The following PCLAF variants were observed in gnomAD, a reference collection of about 807,000 sequenced individuals.
PCLAF encodes the protein PCNA clamp associated factor.
PCLAF carries 12 observed loss-of-function variants against 15.1 expected under a neutral mutation model. The observed-to-expected ratio is 0.79, with a 90% CI of 0.51 to 1.29. PCLAF has a LOEUF of 1.29. Among genes scored for constraint, PCLAF ranks in the 50% most tolerant of loss-of-function variants. PCLAF has a pLI of 0.00. For synonymous variants in PCLAF, 33 were observed against 47.1 expected (o/e 0.70, Z 1.22); for missense variants, 116 against 130.9 (o/e 0.89, Z 0.56).
chr15:64,366,075 T>G lies in PCLAF; in HGVS notation c.291A>C (p.Lys97Asn). The G allele has an allele frequency of 5.6e-6, 9 of 1,609,136 alleles. No individual in the cohort carries two copies. The highest frequency in any genetic ancestry group is 7.6e-6 in the Non-Finnish European group (9 of 1,177,996). The change falls in exon 4 of 4, where the codon AAA becomes AAC. Residue 97 changes from lysine to asparagine, a missense_variant and splice_region_variant. Transcript: ENST00000300035. ...TGTGATCAGGTTGCAAAGGACATGC[T>G]CTGTGAAAAGAAGAGAGAACATCAA... Reference protein sequence around the residue: ...GSSGLGKAKRKACPLQPDHTN... With the variant: ...GSSGLGKAKRNACPLQPDHTN...
Position 64,365,952 on chromosome 15 carries a change from A to G in PCLAF, c.*78T>C. ...CCTGTTCAACAAAGCTAATTGGAAC[A>G]AACACATTTATGTAAATTTACATTC... On this transcript the variant is annotated 3_prime_UTR_variant, in exon 4 of 4. Coordinates refer to ENST00000300035, the MANE Select transcript of PCLAF (RefSeq NM_014736.6). 1.6e-6 allele frequency: 2 copies of G among 1,244,166 alleles called. No individual in the cohort carries two copies. Among genetic ancestry groups the G allele is most frequent in the Non-Finnish European group, 2.3e-6 (2 of 854,754 alleles). 77.1% of individuals were successfully genotyped at this position (1,244,166 alleles called of 1,614,324 possible). A position where few individuals can be genotyped will look rare whatever the true frequency, so the allele number is the denominator to read the frequency against.
rs181081244 is a variant in PCLAF, at chr15:64,379,333, C to T, written c.127+1625G>A. On this transcript the variant is annotated intron_variant, in intron 2 of 3. Transcript: ENST00000300035. Reference sequence around the variant, plus strand: ...CTCTACAAAAAACACAAAAATTAGGCGGGCGTGTGGTGGCATGCGCCTACA... The same window carrying T: ...CTCTACAAAAAACACAAAAATTAGGTGGGCGTGTGGTGGCATGCGCCTACA... Among the ~76,000 whole-genome samples, 8 of 152,026 alleles carry T rather than the reference C, an allele frequency of 5.3e-5. No individual in the cohort carries two copies. The East Asian group carries it at 1.4e-3, about 26-fold the overall frequency.
intron 3 of PCLAF, among the ~76,000 whole-genome samples, chr15:64,374,827 C>T (rs1489938969): frequency 7.9e-6 from 1 of 127,214 alleles, no homozygotes; most frequent in East Asian, 2.3e-4. Context: ...GCCTGGGTGA[C>T]AGAGTGAGAC....
exon 1 of PCLAF, chr15:64,387,581 T>A: frequency 7.3e-7 from 1 of 1,371,208 alleles, no homozygotes; most frequent in South Asian, 1.4e-5. Flanking sequence ...TTGCACTGTC[T>A]TCTTAGCAGA....
chr15:64,367,709 A>C (rs1308715389), intron 3 of PCLAF, among the ~76,000 whole-genome samples: 2 of 151,278 alleles, frequency 1.3e-5, no homozygotes, highest in African/African-American at 2.4e-5. Context: ...CACCATGCCC[A>C]CCTAATTTTT....
At chr15:64,380,368 G>A (rs998234044) in intron 2 of PCLAF, among the ~76,000 whole-genome samples, 1 of 151,964 alleles carries the variant, frequency 6.6e-6, no homozygotes, top group African/African-American at 2.4e-5. Context: ...GGGCAACAGT[G>A]CAAGACTCTG....
intron 2 of PCLAF, 125 bp downstream of exon 2, chr15:64,380,833 C>G: frequency 3.9e-6 from 3 of 770,800 alleles, no homozygotes; most frequent in East Asian, 2.7e-5. Flanking sequence ...CCCAGCCTCT[C>G]TTATTATATC....
At chr15:64,366,983 T>C (rs1566963646) in intron 3 of PCLAF, among the ~76,000 whole-genome samples, 3 of 150,030 alleles carry the variant, frequency 2.0e-5, no homozygotes, top group African/African-American at 7.4e-5. Flanking sequence ...AAAAAAAAAT[T>C]AGTTGGTCGT....
intron 2 of PCLAF, 108 bp downstream of exon 2, chr15:64,380,850 C>A: frequency 2.2e-6 from 2 of 904,042 alleles, no homozygotes. Flanking sequence ...TATCACAGGG[C>A]AAGGAAGAAA....
rs1202442633 is a variant in PCLAF at position 64,376,652 on chromosome 15, CA to C, written c.290+90del. On this transcript the variant is annotated intron_variant, in intron 3 of 3. Transcript: ENST00000300035. ...CAGGCTGGTTTTGAACTCCTGGCCT[CA>C]AGTGATCCTCCCGCCTCGGCCTCCC... The C allele has an allele frequency of 1.1e-5, 11 of 1,017,888 alleles. No homozygotes were observed. In the African/African-American group the frequency reaches 1.8e-4, roughly 16 times the overall value. The allele number at this position is 1,017,888 out of a possible 1,614,324, so 63.1% of individuals were successfully genotyped here.
exon 1 of PCLAF, chr15:64,387,665 G>A: frequency 7.1e-7 from 1 of 1,412,292 alleles, no homozygotes; most frequent in Non-Finnish European, 9.3e-7. Flanking sequence ...CTCGACTCCG[G>A]AGGGCACAAG....
intron 2 of PCLAF, among the ~76,000 whole-genome samples, chr15:64,377,384 T>C (rs1899634209): frequency 6.8e-6 from 1 of 147,202 alleles, no homozygotes; most frequent in South Asian, 2.1e-4. Context: ...GGAGAATCAC[T>C]TGAACCAGCG....
chr15:64,374,372 A>T (rs191871727), intron 3 of PCLAF, among the ~76,000 whole-genome samples: 45 of 151,672 alleles, frequency 3.0e-4, no homozygotes, highest in African/African-American at 1.1e-3. Context: ...TCCCATCTCT[A>T]CTAAAAATAC....
At chr15:64,368,321 AAAAAAC>A (rs1197283195) in intron 3 of PCLAF, among the ~76,000 whole-genome samples, 1 of 152,188 alleles carries the variant, frequency 6.6e-6, no homozygotes, top group Non-Finnish European at 1.5e-5. Flanking sequence ...GTCTCAGTAA[AAAAAAC>A]AAAAACAAAA....
intron 3 of PCLAF, among the ~76,000 whole-genome samples, chr15:64,368,114 G>A (rs1899122561): frequency 6.6e-6 from 1 of 151,976 alleles, no homozygotes; most frequent in African/African-American, 2.4e-5. Flanking sequence ...GGCCAAGGCA[G>A]GTGGATCATC....
intron 2 of PCLAF, among the ~76,000 whole-genome samples, chr15:64,377,427 G>A (rs577965963): frequency 1.2e-3 from 147 of 126,440 alleles, no homozygotes; most frequent in African/African-American, 4.2e-3. Flanking sequence ...AGATTGCGCC[G>A]CCACTGCACA....
rs758835769 is a variant in PCLAF, at chr15:64,381,338, T to G, written c.34A>C (p.Thr12Pro). Reference protein sequence around the residue: ...VRTKADSVPGTYRKVVAARAP... With the variant: ...VRTKADSVPGPYRKVVAARAP... ...TCGATCGCCTCACCTTTTCTGTAAG[T>G]GCCTGGAACACTGTCTGCTTTAGTC... The change falls in exon 1 of 4, where the codon ACT (threonine) becomes CCT (proline). Residue 12 changes from threonine (T) to proline (P), a missense_variant. Physicochemically the swap from Thr to Pro is conservative, Grantham distance 38 (BLOSUM62 -1). Transcript: ENST00000300035. 67 of 1,614,120 alleles carry G rather than the reference T, an allele frequency of 4.2e-5. No homozygotes were observed. The highest frequency in any genetic ancestry group is 5.7e-5 in the Non-Finnish European group (67 of 1,180,030).
At chr15:64,370,829 GTTTTTTT>G (rs10607183) in intron 3 of PCLAF, among the ~76,000 whole-genome samples, 6 of 85,792 alleles carry the variant, frequency 7.0e-5, no homozygotes, top group Non-Finnish European at 9.1e-5. Context: ...TCATAAAGTT[GTTTTTTT>G]TTTTTTTTTT....
intron 1 of PCLAF, among the ~76,000 whole-genome samples, chr15:64,386,622 G>C (rs2140538522): frequency 6.9e-6 from 1 of 143,996 alleles, no homozygotes; most frequent in Admixed American, 6.9e-5. Context: ...CACGCCCAGT[G>C]TGTGTGTGTG....
Sources: gnomAD v4.1 joint callset for allele counts (sites outside exome capture counted in the v4.1 genomes callset) on GRCh38, gnomAD v4.1.1 for gene constraint, MANE v1.5 for transcripts, NCBI Gene and HGNC (gene_info 2026-07-23, HGNC 2026-07-21) for gene names.